PVT1: variants seen among roughly 807,000 people sequenced by gnomAD.
PVT1 encodes the protein Pvt1 oncogene, also known as CXCR4/PVT1 fusion.
intron 2 of PVT1, among the ~76,000 whole-genome samples, chr8:127,853,864 A>C (rs1815132027): frequency 6.6e-6 from 1 of 151,534 alleles, no homozygotes; most frequent in Non-Finnish European, 1.5e-5. Flanking sequence ...ATGCTTTTTA[A>C]GTCTACGAGC....
intron 4 of PVT1, among the ~76,000 whole-genome samples, chr8:128,022,595 G>C (rs1195188239): frequency 4.6e-5 from 7 of 152,194 alleles, no homozygotes; most frequent in Admixed American, 3.9e-4. Context: ...CCAAGTTCTT[G>C]CTGCCTCTCC....
At chr8:127,918,147 G>C (rs1254608794) in intron 3 of PVT1, among the ~76,000 whole-genome samples, 2 of 152,194 alleles carry the variant, frequency 1.3e-5, no homozygotes, top group African/African-American at 2.4e-5. Flanking sequence ...ACTCGGGGGC[G>C]GCCTGCGCCA....
chr8:128,041,469 G>A (rs372737113), intron 4 of PVT1, among the ~76,000 whole-genome samples: 72 of 149,934 alleles, frequency 4.8e-4, no homozygotes, highest in African/African-American at 1.6e-3. Flanking sequence ...TATGTGTTTG[G>A]TGTGTGTGCC....
At chr8:127,873,434 G>C (rs1221649696) in intron 2 of PVT1, among the ~76,000 whole-genome samples, 1 of 152,142 alleles carries the variant, frequency 6.6e-6, no homozygotes, top group Non-Finnish European at 1.5e-5. Context: ...AGCATTCTTG[G>C]CTGCTGAAAA....
chr8:127,839,900 C>T (rs1043063164), intron 2 of PVT1, among the ~76,000 whole-genome samples: 6 of 152,348 alleles, frequency 3.9e-5, no homozygotes, highest in African/African-American at 1.4e-4. Flanking sequence ...CTGCTGTGAA[C>T]TCTCCCTTCT....
At chr8:127,890,796 G>A (rs1275435926) in exon 3 of PVT1, 3 of 152,278 alleles carry the variant, frequency 2.0e-5, no homozygotes, top group African/African-American at 7.2e-5. Context: ...TTTTAAGGGA[G>A]GCTGTGGCTG....
intron 2 of PVT1, among the ~76,000 whole-genome samples, chr8:127,876,425 A>AT (rs1815406078): frequency 6.7e-6 from 1 of 148,154 alleles, no homozygotes; most frequent in African/African-American, 2.6e-5. Flanking sequence ...TTTTTTAATT[A>AT]TTTTATTTTA....
intron 4 of PVT1, among the ~76,000 whole-genome samples, chr8:128,040,862 T>C (rs563023944): frequency 3.3e-5 from 5 of 151,946 alleles, no homozygotes; most frequent in Admixed American, 2.6e-4. Context: ...TGTATTTGTA[T>C]GTGTATTGTT....
intron 2 of PVT1, among the ~76,000 whole-genome samples, chr8:127,840,675 A>G (rs1170423604): frequency 6.6e-6 from 1 of 152,208 alleles, no homozygotes; most frequent in Non-Finnish European, 1.5e-5. Context: ...CCACTCTCCT[A>G]GCTGTGCTTC....
chr8:127,912,733 G>A (rs1815914343), intron 3 of PVT1, among the ~76,000 whole-genome samples: 3 of 145,638 alleles, frequency 2.1e-5, no homozygotes, highest in Admixed American at 1.4e-4. Flanking sequence ...GTCTCACTCT[G>A]TCACCCAGGC....
intron 3 of PVT1, among the ~76,000 whole-genome samples, chr8:127,986,476 T>G (rs892539702): frequency 6.6e-6 from 1 of 152,154 alleles, no homozygotes; most frequent in African/African-American, 2.4e-5. Context: ...CAGGTAGATA[T>G]CCTTGAGAAC....
At chr8:127,816,457 C>A (rs147243604) in intron 2 of PVT1, among the ~76,000 whole-genome samples, 1 of 149,296 alleles carries the variant, frequency 6.7e-6, no homozygotes, top group African/African-American at 2.5e-5. Context: ...CAACTCTTAT[C>A]TTGAATGTTG....
At chr8:128,054,341 T>C (rs547668689) in intron 4 of PVT1, among the ~76,000 whole-genome samples, 3 of 152,296 alleles carry the variant, frequency 2.0e-5, no homozygotes, top group East Asian at 3.9e-4. Flanking sequence ...AGGAGGTTGC[T>C]ATGGCAATGA....
intron 4 of PVT1, among the ~76,000 whole-genome samples, chr8:128,023,419 C>G (rs900720639): frequency 6.6e-6 from 1 of 152,176 alleles, no homozygotes; most frequent in Non-Finnish European, 1.5e-5. Flanking sequence ...TATATGGACA[C>G]TTAGTGCTTA....
In PVT1 at chr8:127,969,031, A is replaced by G. The variant is rs549020415; in HGVS notation, n.783-20131A>G. Among the ~76,000 whole-genome samples, 4 of 152,264 alleles carry G rather than the reference A, an allele frequency of 2.6e-5. No individual in the cohort carries two copies. In the East Asian group the frequency reaches 7.7e-4, roughly 29 times the overall value. On this transcript the variant is annotated intron_variant and non_coding_transcript_variant, in intron 3 of 10. Transcript: ENST00000651587. ...GAGAGAAAACATTTCTGTTGTTTCA[A>G]GCCACCTATTTTGCGACCATTTGTA... is the stretch of plus-strand genomic sequence containing the variant.
intron 3 of PVT1, among the ~76,000 whole-genome samples, chr8:127,988,219 A>C (rs1816992170): frequency 6.6e-6 from 1 of 152,186 alleles, no homozygotes; most frequent in Admixed American, 6.5e-5. Flanking sequence ...GCTATTCCAG[A>C]GTTGAGAGCA....
At chr8:127,794,568 G>C (rs1464865818) in exon 1 of PVT1, 1 of 151,964 alleles carries the variant, frequency 6.6e-6, no homozygotes, top group East Asian at 1.9e-4. Flanking sequence ...CGAGCACATG[G>C]GCCCGCGGGC....
At chr8:128,060,904 A>G (rs539315285) in intron 4 of PVT1, among the ~76,000 whole-genome samples, 1 of 135,138 alleles carries the variant, frequency 7.4e-6, no homozygotes, top group Non-Finnish European at 1.6e-5. Flanking sequence ...CTAGGCAACT[A>G]CTTTTTTTTT....
chr8:127,883,062 T>TCACACACACA (rs10637867), intron 2 of PVT1, among the ~76,000 whole-genome samples: 157 of 147,970 alleles, frequency 1.1e-3, no homozygotes, highest in African/African-American at 3.4e-3. Context: ...TGCACACACA[T>TCACACACACA]CACACACACA....
Sources: gnomAD v4.1 joint callset for allele counts (sites outside exome capture counted in the v4.1 genomes callset) on GRCh38, gnomAD v4.1.1 for gene constraint, MANE v1.5 for transcripts, NCBI Gene and HGNC (gene_info 2026-07-23, HGNC 2026-07-21) for gene names.